PTBP2: variants seen among roughly 807,000 people sequenced by gnomAD.
PTBP2 encodes polypyrimidine tract binding protein 2.
PTBP2 carries 13 observed loss-of-function variants against 61.4 expected under a neutral mutation model. The ratio of observed to expected loss-of-function variants is 0.21; its 90% confidence interval spans 0.14 to 0.34. PTBP2 has a LOEUF of 0.34. Among genes scored for constraint, PTBP2 ranks in the 10% least tolerant of loss-of-function variants. PTBP2 has a pLI of 1.00. For missense variants in PTBP2, 405 were observed against 642.6 expected (o/e 0.63, Z 4.00); for synonymous variants, 215 against 218.5 (o/e 0.98, Z 0.14).
chr1:96,769,989 A>T, intron 4 of PTBP2, 114 bp downstream of exon 4: 1 of 830,556 alleles, frequency 1.2e-6, no homozygotes, highest in Non-Finnish European at 1.7e-6. Flanking sequence ...CAGAAGTCTT[A>T]TTCTCACTTT....
chr1:96,762,022 C>T (rs1317959859), intron 3 of PTBP2, among the ~76,000 whole-genome samples: 3 of 150,928 alleles, frequency 2.0e-5, no homozygotes, highest in Non-Finnish European at 3.0e-5. Context: ...CCTGAGTGGA[C>T]ACAGCACATG....
intron 2 of PTBP2, among the ~76,000 whole-genome samples, chr1:96,736,245 A>G (rs946224656): frequency 4.6e-5 from 7 of 152,238 alleles, no homozygotes; most frequent in Admixed American, 1.3e-4. Flanking sequence ...AAGAAAGCCA[A>G]TGACACCAGA....
Position 96,779,100 on chromosome 1 carries a change from A to G in PTBP2, c.708+1154A>G, listed in dbSNP as rs572999521. Among the ~76,000 whole-genome samples, 625 of 152,220 alleles carry G rather than the reference A, an allele frequency of 4.1e-3. 4 individuals carry two copies. In the Middle Eastern group the frequency reaches 0.058, roughly 14 times the overall value. On this transcript the variant is annotated intron_variant, in intron 7 of 13. Transcript: ENST00000674951. ...TTCAGTCTTAGCCTTTCTCTCCAGTATGCTGCTTCTCACTGGTTCTCGGGT... is the reference window on the plus strand; with the variant it reads ...TTCAGTCTTAGCCTTTCTCTCCAGTGTGCTGCTTCTCACTGGTTCTCGGGT...
At chr1:96,805,386 C>T (rs1661403009) in intron 9 of PTBP2, among the ~76,000 whole-genome samples, 1 of 151,910 alleles carries the variant, frequency 6.6e-6, no homozygotes. Flanking sequence ...ATACATTTTT[C>T]TTTGAAGGTT....
intron 3 of PTBP2, among the ~76,000 whole-genome samples, chr1:96,757,339 C>A (rs1245344171): frequency 3.3e-5 from 5 of 152,054 alleles, no homozygotes; most frequent in Non-Finnish European, 7.4e-5. Flanking sequence ...AAATTTAAGA[C>A]AAATATTACC....
intron 2 of PTBP2, among the ~76,000 whole-genome samples, chr1:96,727,187 CAG>C (rs1454505438): frequency 2.6e-5 from 4 of 152,158 alleles, no homozygotes; most frequent in African/African-American, 9.7e-5. Flanking sequence ...TTAGTCCACT[CAG>C]AATAATTATT....
intron 2 of PTBP2, 85 bp downstream of exon 2, chr1:96,723,679 T>C: frequency 8.0e-7 from 1 of 1,248,574 alleles, no homozygotes; most frequent in East Asian, 2.4e-5. Flanking sequence ...TTTTGAAAAC[T>C]ATAACGTAGC....
At chr1:96,815,968 T>TG (rs1662465738), downstream of PTBP2, 3 of 152,202 alleles carry the variant, frequency 2.0e-5, no homozygotes, top group Admixed American at 2.0e-4. Context: ...TTCTCAGTAA[T>TG]TAGTGGTGGC....
intron 5 of PTBP2, among the ~76,000 whole-genome samples, chr1:96,777,364 G>A (rs1658154592): frequency 6.6e-6 from 1 of 152,078 alleles, no homozygotes; most frequent in Non-Finnish European, 1.5e-5. Flanking sequence ...TGATCCCAAA[G>A]CCTGGATAAT....
At chr1:96,816,698 C>T (rs1571058823), downstream of PTBP2, 1 of 152,222 alleles carries the variant, frequency 6.6e-6, no homozygotes, top group Non-Finnish European at 1.5e-5. Context: ...TTAATTCATT[C>T]ATGTACATCT....
intron 2 of PTBP2, among the ~76,000 whole-genome samples, chr1:96,747,154 T>C (rs891271726): frequency 6.6e-6 from 1 of 151,750 alleles, no homozygotes; most frequent in Non-Finnish European, 1.5e-5. Flanking sequence ...ATAGTTTTAA[T>C]GTGGCCACAA....
chr1:96,807,043 T>C, intron 11 of PTBP2, 85 bp downstream of exon 11: 1 of 970,716 alleles, frequency 1.0e-6, no homozygotes, highest in Non-Finnish European at 1.5e-6. Context: ...AATAAACTCC[T>C]TTACATCAGT....
intron 3 of PTBP2, among the ~76,000 whole-genome samples, chr1:96,758,202 G>T (rs1655382634): frequency 6.6e-6 from 1 of 151,736 alleles, no homozygotes; most frequent in African/African-American, 2.4e-5. Flanking sequence ...AAAGTTTCTT[G>T]ACAAATGCAA....
intron 2 of PTBP2, among the ~76,000 whole-genome samples, chr1:96,749,390 T>A (rs1654252087): frequency 6.6e-6 from 1 of 152,222 alleles, no homozygotes; most frequent in South Asian, 2.1e-4. Flanking sequence ...AGTATATTTT[T>A]GAAAACTAGG....
intron 3 of PTBP2, among the ~76,000 whole-genome samples, chr1:96,753,191 TTGTC>T (rs1250831397): frequency 2.0e-5 from 3 of 152,102 alleles, no homozygotes; most frequent in Admixed American, 1.3e-4. Flanking sequence ...CTGTCAGAAA[TTGTC>T]TGCTCTGGGG....
At chr1:96,758,902 C>T (rs1019663192) in intron 3 of PTBP2, among the ~76,000 whole-genome samples, 1 of 151,942 alleles carries the variant, frequency 6.6e-6, no homozygotes, top group Non-Finnish European at 1.5e-5. Flanking sequence ...AAGTAGAAGA[C>T]CTGAAGGACT....
chr1:96,764,809 A>G (rs1280475294), intron 3 of PTBP2, among the ~76,000 whole-genome samples: 1 of 152,222 alleles, frequency 6.6e-6, no homozygotes, highest in Non-Finnish European at 1.5e-5. Context: ...TGAGGGTTTT[A>G]ACAACTTATC....
intron 3 of PTBP2, among the ~76,000 whole-genome samples, chr1:96,761,360 G>A (rs887128845): frequency 7.2e-6 from 1 of 139,552 alleles, no homozygotes; most frequent in Admixed American, 6.8e-5. Flanking sequence ...GTGTGTGTGT[G>A]TGTGTGTGTG....
intron 7 of PTBP2, 33 bp from the exon 8 acceptor site, chr1:96,785,026 A>T: frequency 7.0e-7 from 1 of 1,427,714 alleles, no homozygotes; most frequent in Non-Finnish European, 9.4e-7. Context: ...TTTTTTGTTT[A>T]AGATTGCTGA....
Sources: gnomAD v4.1 joint callset for allele counts (sites outside exome capture counted in the v4.1 genomes callset) on GRCh38, gnomAD v4.1.1 for gene constraint, MANE v1.5 for transcripts, NCBI Gene and HGNC (gene_info 2026-07-23, HGNC 2026-07-21) for gene names.